The following POU6F2 variants were observed in gnomAD, a reference collection of about 807,000 sequenced individuals.
POU6F2 encodes POU domain, class 6, transcription factor 2.
Under a neutral mutation model 71.3 loss-of-function variants are expected in POU6F2, and 31 were observed. The observed-to-expected ratio is 0.43, with a 90% CI of 0.33 to 0.59. The LOEUF is 0.59. POU6F2 is among the 20% of genes least tolerant of loss of function. POU6F2 has a pLI of 0.04. For synonymous variants in POU6F2, 347 were observed against 355.7 expected, an observed-to-expected ratio of 0.98 and a Z score of 0.27; for missense variants, 783 against 856.8, an observed-to-expected ratio of 0.91 and a Z score of 1.07.
At position 39,392,950 on chromosome 7, in the gene POU6F2, C is replaced by G. The variant is rs1360616211; in HGVS notation, c.973-13650C>G. 3.3e-5 allele frequency among the ~76,000 whole-genome samples: 5 copies of G among 152,152 alleles called. No individual in the cohort carries two copies. The East Asian group carries it at 9.6e-4, about 29-fold the overall frequency. On this transcript the variant is annotated intron_variant, in intron 5 of 9. Coordinates refer to ENST00000518318, the MANE Select transcript of POU6F2 (RefSeq NM_001370959.1). ...AGATGGGTTTCTTCCATCAGTGATT[C>G]CCTGCTCTCTTCTTCCTAAATGTAG...
intron 2 of POU6F2, among the ~76,000 whole-genome samples, chr7:39,171,071 C>T (rs1438006379): frequency 6.6e-5 from 8 of 121,524 alleles, no homozygotes; most frequent in South Asian, 2.6e-4. Flanking sequence ...ATGTGCAGAA[C>T]GTGCAGGTTT....
chr7:39,284,854 A>G (rs1486839255), intron 4 of POU6F2, among the ~76,000 whole-genome samples: 1 of 152,214 alleles, frequency 6.6e-6, no homozygotes, highest in East Asian at 1.9e-4. Flanking sequence ...CTCTGACCAT[A>G]TAAGATGCCC....
chr7:39,229,206 GA>G (rs1208247963), intron 4 of POU6F2, among the ~76,000 whole-genome samples: 1 of 152,206 alleles, frequency 6.6e-6, no homozygotes, highest in African/African-American at 2.4e-5. Flanking sequence ...AAGAGCTCAA[GA>G]AAGAGAAAAC....
At chr7:39,207,317 TG>T in intron 3 of POU6F2, 74 bp from the exon 4 acceptor site, 1 of 1,398,042 alleles carries the variant, frequency 7.2e-7, no homozygotes, top group Admixed American at 1.9e-5. Context: ...CCTACTTAAG[TG>T]GAAAGAAGAT....
At chr7:39,130,065 T>G (rs1792231423) in intron 2 of POU6F2, among the ~76,000 whole-genome samples, 1 of 58,012 alleles carries the variant, frequency 1.7e-5, no homozygotes, top group African/African-American at 8.3e-5. Context: ...AGACTCCATC[T>G]CAAAAAAAAA....
chr7:39,260,717 CA>C (rs1470834941), intron 4 of POU6F2, among the ~76,000 whole-genome samples: 1 of 151,900 alleles, frequency 6.6e-6, no homozygotes, highest in Admixed American at 6.6e-5. Context: ...CCGCACACCA[CA>C]TATACTACAC....
At chr7:39,007,812 T>A (rs918057355) in intron 1 of POU6F2, among the ~76,000 whole-genome samples, 39 of 151,594 alleles carry the variant, frequency 2.6e-4, no homozygotes, top group East Asian at 2.1e-3. Flanking sequence ...TTACTGAGAA[T>A]GATGTTTTCC....
At chr7:39,264,233 T>C (rs1393226604) in intron 4 of POU6F2, among the ~76,000 whole-genome samples, 1 of 152,140 alleles carries the variant, frequency 6.6e-6, no homozygotes, top group Non-Finnish European at 1.5e-5. Flanking sequence ...TCCATAAAGC[T>C]CTTAGAATGA....
chr7:39,333,464 C>T (rs781099699), intron 4 of POU6F2, among the ~76,000 whole-genome samples: 1 of 151,996 alleles, frequency 6.6e-6, no homozygotes, highest in Non-Finnish European at 1.5e-5. Flanking sequence ...TCAGGCCGGG[C>T]GTGGTGGCTC....
intron 4 of POU6F2, among the ~76,000 whole-genome samples, chr7:39,269,556 T>C (rs1324396226): frequency 6.6e-6 from 1 of 152,244 alleles, no homozygotes; most frequent in African/African-American, 2.4e-5. Flanking sequence ...TAATTTACCA[T>C]GCGTCTTCTC....
At chr7:39,294,324 A>G (rs1268382172) in intron 4 of POU6F2, among the ~76,000 whole-genome samples, 6 of 146,060 alleles carry the variant, frequency 4.1e-5, no homozygotes, top group Non-Finnish European at 6.0e-5. Flanking sequence ...GGTTGGCGCA[A>G]AAGTAATTGC....
intron 6 of POU6F2, among the ~76,000 whole-genome samples, chr7:39,425,117 C>T (rs1183417600): frequency 6.6e-6 from 1 of 151,924 alleles, no homozygotes; most frequent in Non-Finnish European, 1.5e-5. Flanking sequence ...GCAAATTATT[C>T]CCATAAAGCA....
chr7:39,144,138 G>C lies in POU6F2; in HGVS notation c.277+58107G>C, dbSNP rs954286753. Among the ~76,000 whole-genome samples, 5 of 151,942 alleles carry C rather than the reference G, an allele frequency of 3.3e-5. No homozygotes were observed. In the South Asian group the frequency reaches 1.0e-3, roughly 32 times the overall value. On this transcript the variant is annotated intron_variant, in intron 2 of 9. Coordinates refer to ENST00000518318, the MANE Select transcript of POU6F2 (RefSeq NM_001370959.1). ...AGAATACGAAATTGAACACAACTTG[G>C]GCTCTTTTAAGAATTTGCCTTTTAA... is the stretch of plus-strand genomic sequence containing the variant.
chr7:39,367,175 A>G lies in POU6F2; in HGVS notation c.972+27160A>G, dbSNP rs540630014. On this transcript the variant is annotated intron_variant, in intron 5 of 9. Coordinates refer to ENST00000518318, the MANE Select transcript of POU6F2 (RefSeq NM_001370959.1). ...AATCTTCATTAATTTAACCATTACC[A>G]GTAACAGTAGTTTGGGAATTATTTC... is the stretch of plus-strand genomic sequence containing the variant. 1.4e-3 allele frequency among the ~76,000 whole-genome samples: 220 copies of G among 152,318 alleles called. 9 individuals carry two copies. In the South Asian group the frequency reaches 0.044, roughly 30 times the overall value.
intron 5 of POU6F2, among the ~76,000 whole-genome samples, chr7:39,393,815 G>A (rs915390333): frequency 6.6e-6 from 1 of 152,100 alleles, no homozygotes; most frequent in Non-Finnish European, 1.5e-5. Context: ...TTTGCCCATG[G>A]ACTGATAAAA....
intron 2 of POU6F2, among the ~76,000 whole-genome samples, chr7:39,199,608 G>A (rs1584597441): frequency 6.6e-6 from 1 of 152,244 alleles, no homozygotes; most frequent in African/African-American, 2.4e-5. Flanking sequence ...TGGAGTGTGG[G>A]AGGCTTGGTC....
intron 6 of POU6F2, among the ~76,000 whole-genome samples, chr7:39,423,574 G>A (rs1286080972): frequency 6.6e-6 from 1 of 152,026 alleles, no homozygotes; most frequent in Non-Finnish European, 1.5e-5. Flanking sequence ...TAAAGCAGAG[G>A]GATTCTGCCA....
At chr7:39,304,418 G>A (rs1785013475) in intron 4 of POU6F2, among the ~76,000 whole-genome samples, 1 of 152,098 alleles carries the variant, frequency 6.6e-6, no homozygotes, top group Non-Finnish European at 1.5e-5. Flanking sequence ...GGTTCACCAT[G>A]ACTAACTCCT....
chr7:39,368,435 C>T (rs1401070711), intron 5 of POU6F2, among the ~76,000 whole-genome samples: 1 of 152,192 alleles, frequency 6.6e-6, no homozygotes, highest in Non-Finnish European at 1.5e-5. Context: ...GAGGTTGGTC[C>T]ATGAGACTTA....
Sources: allele counts gnomAD v4.1 joint callset (sites outside exome capture counted in the v4.1 genomes callset), GRCh38; gene constraint gnomAD v4.1.1; transcripts MANE v1.5; gene names NCBI Gene and HGNC (gene_info 2026-07-23, HGNC 2026-07-21).